RBFOX1: variants seen among roughly 807,000 people sequenced by gnomAD.
The protein encoded by RBFOX1 is RNA binding fox-1 homolog 1.
In RBFOX1, 8 loss-of-function variants were observed where a neutral mutation model predicts 57.7. The ratio of observed to expected loss-of-function variants is 0.14; its 90% CI spans 0.08 to 0.25. The LOEUF (loss-of-function observed/expected upper bound fraction) is 0.25. Among genes scored for constraint, RBFOX1 ranks in the 10% least tolerant of loss-of-function variants. The pLI is 1.00. For synonymous variants in RBFOX1, 326 were observed against 222.4 expected (o/e 1.47, Z -4.15); for missense variants, 611 against 548.5 (o/e 1.11, Z -1.14).
At chr16:6,615,470 T>C (rs2098128764) in intron 2 of RBFOX1, among the ~76,000 whole-genome samples, 1 of 151,874 alleles carries the variant, frequency 6.6e-6, no homozygotes, top group African/African-American at 2.4e-5. Context: ...CTTGGGAGGC[T>C]GAGGCAGAAG....
At chr16:5,993,060 C>G (rs1033837651) in intron 4 of RBFOX1, among the ~76,000 whole-genome samples, 1 of 152,176 alleles carries the variant, frequency 6.6e-6, no homozygotes, top group Non-Finnish European at 1.5e-5. Flanking sequence ...TCTATGCTTA[C>G]CCACAGGCCC....
intron 4 of RBFOX1, among the ~76,000 whole-genome samples, chr16:7,506,902 C>G (rs964588166): frequency 3.9e-5 from 6 of 152,184 alleles, no homozygotes; most frequent in Non-Finnish European, 7.3e-5. Flanking sequence ...AAGAACTTCA[C>G]TGGACTGGAA....
chr16:5,670,578 G>A (rs975200113), intron 3 of RBFOX1, among the ~76,000 whole-genome samples: 4 of 152,158 alleles, frequency 2.6e-5, no homozygotes, highest in Non-Finnish European at 5.9e-5. Flanking sequence ...TGAGGTCCTG[G>A]GTTTCTGTAA....
At chr16:7,238,824 G>T (rs770092702) in intron 4 of RBFOX1, among the ~76,000 whole-genome samples, 2 of 152,122 alleles carry the variant, frequency 1.3e-5, no homozygotes, top group African/African-American at 2.4e-5. Flanking sequence ...CCCAGTGTGT[G>T]TTGTTCCCCT....
rs56761579 is a variant in RBFOX1 at position 6,982,437 on chromosome 16, A to C, written c.-15-69620A>C. 3.9e-3 allele frequency among the ~76,000 whole-genome samples: 587 copies of C among 152,264 alleles called. 4 individuals are homozygous for C. The highest frequency in any genetic ancestry group is 0.013 in the African/African-American group (540 of 41,550). The stretch of plus-strand genomic sequence containing the variant: ...CCTGGAGCATCAGTCATGTCTACTT[A>C]AGTCCTTTCATTGCAGCGAGCTCCT... On this transcript the variant is annotated intron_variant, in intron 3 of 15. Transcript: ENST00000550418.
At chr16:6,732,548 T>C (rs1428613654) in intron 3 of RBFOX1, among the ~76,000 whole-genome samples, 1 of 152,216 alleles carries the variant, frequency 6.6e-6, no homozygotes, top group Non-Finnish European at 1.5e-5. Flanking sequence ...GCAATTGCTT[T>C]TCATCCTGAA....
intron 4 of RBFOX1, among the ~76,000 whole-genome samples, chr16:7,434,440 C>G (rs1263392217): frequency 6.6e-6 from 1 of 151,850 alleles, no homozygotes; most frequent in Non-Finnish European, 1.5e-5. Context: ...CCACTGCACT[C>G]CAGCCCGGGC....
chr16:7,490,994 T>G (rs911123352), intron 4 of RBFOX1, among the ~76,000 whole-genome samples: 17 of 152,142 alleles, frequency 1.1e-4, no homozygotes, highest in African/African-American at 3.9e-4. Context: ...ATAGCACCCT[T>G]GGAAAACTCT....
chr16:6,319,357 G>C (rs1473570079), intron 2 of RBFOX1, among the ~76,000 whole-genome samples: 1 of 152,062 alleles, frequency 6.6e-6, no homozygotes, highest in Non-Finnish European at 1.5e-5. Flanking sequence ...TTGGATTGCT[G>C]TTTGTTCAAT....
intron 3 of RBFOX1, among the ~76,000 whole-genome samples, chr16:5,733,679 C>G (rs1049532758): frequency 4.6e-5 from 7 of 152,156 alleles, no homozygotes; most frequent in South Asian, 2.1e-4. Context: ...TGTCCTTCCT[C>G]TTTCCCTTCT....
intron 2 of RBFOX1, among the ~76,000 whole-genome samples, chr16:5,524,243 C>G (rs893688547): frequency 5.9e-5 from 9 of 152,292 alleles, no homozygotes; most frequent in African/African-American, 2.2e-4. Flanking sequence ...ACCAGAGTAA[C>G]TCAGGAGAGT....
intron 1 of RBFOX1, among the ~76,000 whole-genome samples, chr16:5,362,955 T>C (rs572262961): frequency 5.3e-5 from 8 of 152,176 alleles, no homozygotes; most frequent in South Asian, 2.1e-4. Context: ...AGGTTGTTTT[T>C]AAACCTTGGC....
chr16:5,774,933 T>G (rs563618906), intron 3 of RBFOX1, among the ~76,000 whole-genome samples: 3 of 152,252 alleles, frequency 2.0e-5, no homozygotes, highest in Admixed American at 2.0e-4. Context: ...TCCACCCACT[T>G]CGGCCTCCCA....
chr16:5,904,216 C>G (rs925062062), intron 4 of RBFOX1, among the ~76,000 whole-genome samples: 1 of 152,020 alleles, frequency 6.6e-6, no homozygotes, highest in Non-Finnish European at 1.5e-5. Flanking sequence ...TCTCGGCAAG[C>G]CTTGAAATTC....
At chr16:6,907,966 G>A (rs538670546) in intron 3 of RBFOX1, among the ~76,000 whole-genome samples, 10 of 151,640 alleles carry the variant, frequency 6.6e-5, no homozygotes, top group Non-Finnish European at 1.2e-4. Context: ...AGTTCTCCCC[G>A]TGAGCATGGA....
intron 2 of RBFOX1, among the ~76,000 whole-genome samples, chr16:5,588,860 G>C (rs1042134195): frequency 1.3e-5 from 2 of 152,204 alleles, no homozygotes; most frequent in Non-Finnish European, 2.9e-5. Flanking sequence ...GATTTTGCAG[G>C]TGGAGGTATT....
intron 4 of RBFOX1, among the ~76,000 whole-genome samples, chr16:7,515,713 G>C (rs2076208731): frequency 6.6e-6 from 1 of 152,172 alleles, no homozygotes; most frequent in South Asian, 2.1e-4. Flanking sequence ...GGTAAAGCTG[G>C]ATTCAACACT....
chr16:5,775,886 A>G (rs13331076), intron 3 of RBFOX1, among the ~76,000 whole-genome samples: 8 of 152,026 alleles, frequency 5.3e-5, no homozygotes, highest in African/African-American at 1.4e-4. Flanking sequence ...GGGCCAGACA[A>G]TTGTTCTCCT....
chr16:6,242,388 C>CTTTAT (rs1200993167), intron 1 of RBFOX1, among the ~76,000 whole-genome samples: 1 of 151,644 alleles, frequency 6.6e-6, no homozygotes, highest in Admixed American at 6.6e-5. Context: ...TAAAAAAAGT[C>CTTTAT]TTTATTTTAT....
Sources: gnomAD v4.1 joint callset for allele counts (sites outside exome capture counted in the v4.1 genomes callset) on GRCh38, gnomAD v4.1.1 for gene constraint, MANE v1.5 for transcripts, NCBI Gene and HGNC (gene_info 2026-07-23, HGNC 2026-07-21) for gene names.